The following YWHAE variants were observed in gnomAD, a reference collection of about 807,000 sequenced individuals.
The protein encoded by YWHAE is 14-3-3 protein epsilon.
Under a neutral mutation model 30.1 loss-of-function variants are expected in YWHAE, and 4 were observed. The ratio of observed to expected loss-of-function variants is 0.13; its 90% CI spans 0.07 to 0.30. The LOEUF (loss-of-function observed/expected upper bound fraction) is 0.30. Among genes scored for constraint, YWHAE ranks in the 10% least tolerant of loss-of-function variants. The probability of loss-of-function intolerance (pLI) is 1.00; values close to 1 mark genes in which losing one functional copy is unlikely to be tolerated. For synonymous variants in YWHAE, 118 were observed against 111.8 expected, an observed-to-expected ratio of 1.06 and a Z score of -0.35; for missense variants, 121 against 315.9, an observed-to-expected ratio of 0.38 and a Z score of 4.68.
In YWHAE at chr17:1,345,373, C is replaced by T. The variant is rs2072498456; in HGVS notation, c.*74G>A. The T allele has an allele frequency of 6.8e-7, 1 of 1,465,100 alleles. No individual in the cohort carries two copies. Among genetic ancestry groups the T allele is most frequent in the Non-Finnish European group, 9.5e-7 (1 of 1,049,104 alleles). 90.8% of individuals were successfully genotyped at this position (1,465,100 alleles called of 1,614,324 possible). A position where few individuals can be genotyped will look rare whatever the true frequency, so the allele number is the denominator to read the frequency against. On this transcript the variant is annotated 3_prime_UTR_variant, in exon 6 of 6. Transcript: ENST00000264335. ...AGTCAGATTTGGTGGTTCTCAGTGACAATGGGGAGTTTCCAAAGGGTGGGA... is the reference window on the plus strand; with the variant it reads ...AGTCAGATTTGGTGGTTCTCAGTGATAATGGGGAGTTTCCAAAGGGTGGGA...
intron 1 of YWHAE, chr17:1,399,675 A>C (rs1598279370): frequency 5.5e-6 from 2 of 360,858 alleles, no homozygotes; most frequent in Non-Finnish European, 5.1e-6. Context: ...ATTGTTCTCC[A>C]CATCCCAAGG....
At chr17:1,362,985 G>C (rs2072886523) in intron 2 of YWHAE, among the ~76,000 whole-genome samples, 1 of 152,036 alleles carries the variant, frequency 6.6e-6, no homozygotes, top group Admixed American at 6.6e-5. Flanking sequence ...GTCATCAATA[G>C]ATCTCTACAC....
intron 4 of YWHAE, among the ~76,000 whole-genome samples, chr17:1,357,628 G>A (rs925717575): frequency 2.0e-5 from 3 of 151,628 alleles, no homozygotes; most frequent in Admixed American, 2.0e-4. Flanking sequence ...AATATTTACT[G>A]TAAAAATTTA....
chr17:1,385,447 C>T (rs984656078), intron 1 of YWHAE, among the ~76,000 whole-genome samples: 1 of 152,112 alleles, frequency 6.6e-6, no homozygotes, highest in Non-Finnish European at 1.5e-5. Flanking sequence ...TACTAAGTTC[C>T]CAGAGCTTCT....
chr17:1,384,011 C>T (rs747746453), intron 1 of YWHAE, among the ~76,000 whole-genome samples: 37 of 151,966 alleles, frequency 2.4e-4, no homozygotes, highest in Admixed American at 3.3e-4. Flanking sequence ...CAAGACCAAC[C>T]TGGCCAACAT....
At chr17:1,361,875 C>T (rs752585790) in intron 3 of YWHAE, 27 bp downstream of exon 3, 1 of 1,485,048 alleles carries the variant, frequency 6.7e-7, no homozygotes, top group South Asian at 1.2e-5. Context: ...TTCAATCTTA[C>T]ATTTTCCCTT....
At chr17:1,380,206 C>T (rs1365071622) in intron 1 of YWHAE, among the ~76,000 whole-genome samples, 1 of 151,346 alleles carries the variant, frequency 6.6e-6, no homozygotes, top group East Asian at 1.9e-4. Context: ...CTCCGCCTCC[C>T]GGGTTCAAGA....
At chr17:1,368,318 C>G (rs1395078461) in intron 1 of YWHAE, among the ~76,000 whole-genome samples, 1 of 151,764 alleles carries the variant, frequency 6.6e-6, no homozygotes, top group Non-Finnish European at 1.5e-5. Context: ...GGAGGTTGCA[C>G]TGAGTGGAGA....
chr17:1,364,145 A>G (rs2072906923), intron 2 of YWHAE, among the ~76,000 whole-genome samples: 1 of 152,106 alleles, frequency 6.6e-6, no homozygotes, highest in East Asian at 1.9e-4. Context: ...CACCCACAGT[A>G]AGTAAAATAA....
In YWHAE at chr17:1,388,118, G is replaced by GTTTTTTTT. The variant is rs1297503908; in HGVS notation, c.64+11921_64+11928dup. ...TAATTTTTGTTTTTTTTTTTGGTTG[G>GTTTTTTTT]TTTTTTTTTTTTTTTTTTTTTTTTA... On this transcript the variant is annotated intron_variant, in intron 1 of 5. Coordinates refer to ENST00000264335, the MANE Select transcript of YWHAE (RefSeq NM_006761.5). Among the ~76,000 whole-genome samples the GTTTTTTTT allele has an allele frequency of 7.7e-4, 12 of 15,496 alleles. 1 individual carries two copies. The highest frequency in any genetic ancestry group is 4.0e-3 in the African/African-American group (8 of 1,976). 10.2% of individuals were successfully genotyped at this position (15,496 alleles called of 152,430 possible).
chr17:1,383,816 T>C (rs534928386), intron 1 of YWHAE, among the ~76,000 whole-genome samples: 110 of 152,290 alleles, frequency 7.2e-4, no homozygotes, highest in African/African-American at 2.6e-3. Flanking sequence ...ATCTCCGCAC[T>C]TTGGGAGGCT....
intron 1 of YWHAE, among the ~76,000 whole-genome samples, chr17:1,379,854 T>C (rs1474933329): frequency 2.6e-5 from 4 of 152,216 alleles, no homozygotes; most frequent in Admixed American, 6.5e-5. Context: ...TTGGTTGACA[T>C]GTAAATTATA....
At chr17:1,394,452 A>AAAAAAAAAAAC (rs2073435562) in intron 1 of YWHAE, among the ~76,000 whole-genome samples, 20 of 150,286 alleles carry the variant, frequency 1.3e-4, no homozygotes, top group African/African-American at 4.7e-4. Flanking sequence ...AAAAAAAAAA[A>AAAAAAAAAAAC]AAAAAAAAAC....
At chr17:1,358,847 A>G (rs1203383120) in intron 4 of YWHAE, among the ~76,000 whole-genome samples, 4 of 148,330 alleles carry the variant, frequency 2.7e-5, no homozygotes, top group Non-Finnish European at 4.5e-5. Context: ...AAAAAAAAAA[A>G]GGGCTGGCCA....
chr17:1,383,866 G>T (rs1221150054), intron 1 of YWHAE, among the ~76,000 whole-genome samples: 1 of 151,948 alleles, frequency 6.6e-6, no homozygotes, highest in Non-Finnish European at 1.5e-5. Context: ...TTCAAGACCG[G>T]CCTGGGCAAT....
At chr17:1,376,673 T>C (rs1266884975) in intron 1 of YWHAE, among the ~76,000 whole-genome samples, 1 of 152,190 alleles carries the variant, frequency 6.6e-6, no homozygotes, top group Non-Finnish European at 1.5e-5. Context: ...AAGACTGTCC[T>C]TGCCAGGTAG....
At chr17:1,398,627 A>G (rs1163951794) in intron 1 of YWHAE, among the ~76,000 whole-genome samples, 1 of 152,092 alleles carries the variant, frequency 6.6e-6, no homozygotes, top group East Asian at 1.9e-4. Flanking sequence ...ACCCCACCCT[A>G]CCACGCAAAA....
chr17:1,378,774 C>G (rs1938840531), intron 1 of YWHAE, among the ~76,000 whole-genome samples: 1 of 152,190 alleles, frequency 6.6e-6, no homozygotes, highest in Admixed American at 6.5e-5. Flanking sequence ...GGTGAAATCC[C>G]GTCTCTACTA....
chr17:1,381,897 A>C lies in YWHAE; in HGVS notation c.65-16839T>G, dbSNP rs561808920. Among the ~76,000 whole-genome samples the C allele has an allele frequency of 1.1e-3, 142 of 133,276 alleles. 2 individuals carry two copies. Among genetic ancestry groups the C allele is most frequent in the East Asian group, 1.0e-2 (44 of 4,404 alleles). The allele number at this position is 133,276 out of a possible 152,430, so 87.4% of individuals were successfully genotyped here. A position where few individuals can be genotyped will look rare whatever the true frequency, so the allele number is the denominator to read the frequency against. On this transcript the variant is annotated intron_variant, in intron 1 of 5. Transcript: ENST00000264335. ...CACTGTACTCCAGCCTGCACGAGAG[A>C]GCGACACTATGTCAAAAAAAAAAAA... is the stretch of plus-strand genomic sequence containing the variant.
Sources: allele counts gnomAD v4.1 joint callset (sites outside exome capture counted in the v4.1 genomes callset), GRCh38; gene constraint gnomAD v4.1.1; transcripts MANE v1.5; gene names NCBI Gene and HGNC (gene_info 2026-07-23, HGNC 2026-07-21).